The following PTGER3 variants were observed in gnomAD, a reference collection of about 807,000 sequenced individuals.
The protein encoded by PTGER3 is prostaglandin E2 receptor EP3 subtype.
PTGER3 carries 22 observed loss-of-function variants against 34.7 expected under a neutral mutation model. That is an observed-to-expected ratio of 0.63 (90% CI 0.45 to 0.91). PTGER3 has a LOEUF of 0.91. PTGER3 is among the 40% of genes least tolerant of loss of function. The pLI is 0.00. For synonymous variants in PTGER3, 241 were observed against 230.1 expected, an observed-to-expected ratio of 1.05 and a Z score of -0.43; for missense variants, 468 against 519.4, an observed-to-expected ratio of 0.90 and a Z score of 0.96.
At chr1:70,877,263 T>C (rs1018520851) in intron 4 of PTGER3, among the ~76,000 whole-genome samples, 12 of 152,196 alleles carry the variant, frequency 7.9e-5, no homozygotes, top group African/African-American at 2.9e-4. Flanking sequence ...TTGGACATTG[T>C]TGGTGTATAG....
chr1:70,967,214 A>C (rs1652616968), downstream of PTGER3, among the ~76,000 whole-genome samples: 1 of 152,164 alleles, frequency 6.6e-6, no homozygotes, highest in African/African-American at 2.4e-5. Flanking sequence ...CTGCCAACTA[A>C]ATGCCACCAT....
intron 2 of PTGER3, among the ~76,000 whole-genome samples, chr1:70,992,255 G>T (rs1021176726): frequency 2.6e-5 from 4 of 152,188 alleles, no homozygotes; most frequent in Non-Finnish European, 5.9e-5. Flanking sequence ...GAGTCAGAAG[G>T]CCCGAGTTCT....
intron 4 of PTGER3, among the ~76,000 whole-genome samples, chr1:70,862,026 G>C (rs1409221911): frequency 6.6e-6 from 1 of 151,870 alleles, no homozygotes; most frequent in Non-Finnish European, 1.5e-5. Context: ...TCAATGAAAA[G>C]TGGATGATTG....
At chr1:70,979,680 G>A (rs1370510919) in intron 2 of PTGER3, among the ~76,000 whole-genome samples, 1 of 152,182 alleles carries the variant, frequency 6.6e-6, no homozygotes, top group Middle Eastern at 3.4e-3. Context: ...GAGAAACAAA[G>A]TGGGCAGGCT....
At chr1:70,936,960 G>A (rs1228412250) in intron 4 of PTGER3, among the ~76,000 whole-genome samples, 7 of 152,138 alleles carry the variant, frequency 4.6e-5, no homozygotes, top group African/African-American at 1.7e-4. Context: ...ATTTCAGTAG[G>A]AGGGGAAGAG....
chr1:70,954,841 G>A (rs1308993792), intron 2 of PTGER3, among the ~76,000 whole-genome samples: 6 of 131,458 alleles, frequency 4.6e-5, no homozygotes, highest in African/African-American at 1.5e-4. Context: ...ACACATGACC[G>A]TTAAAAAAAA....
At position 71,047,460 on chromosome 1, in the gene PTGER3, G is replaced by A. The variant is rs1436745081; in HGVS notation, c.118C>T (p.Pro40Ser). 9 of 1,609,990 alleles carry A rather than the reference G, an allele frequency of 5.6e-6. No homozygotes were observed. The South Asian group carries it at 1.0e-4, about 18-fold the overall frequency. ...SAEARGNLTRPPGSGEDCGSV... is the reference protein window; with the variant it reads ...SAEARGNLTRSPGSGEDCGSV... ...CCGCAATCCTCGCCAGACCCTGGAG[G>A]GCGCGTGAGGTTGCCCCGCGCCTCG... is the stretch of plus-strand genomic sequence containing the variant. The change falls in exon 1 of 4, where the codon CCT becomes TCT. Residue 40 changes from proline to serine, a missense_variant. By Grantham distance (74) the Pro-to-Ser change is moderately conservative (BLOSUM62 -1). Around this residue, in one of 5 missense-constraint regions of PTGER3, gnomAD observed 151 missense variants for 133.5 expected, o/e 1.13. Coordinates refer to ENST00000306666, the MANE Select transcript of PTGER3 (RefSeq NM_198719.2).
At chr1:70,929,872 T>G (rs1648522204) in intron 4 of PTGER3, among the ~76,000 whole-genome samples, 1 of 152,100 alleles carries the variant, frequency 6.6e-6, no homozygotes, top group Non-Finnish European at 1.5e-5. Context: ...AAAAGGAAAT[T>G]AACTATTCTG....
chr1:70,922,403 T>C (rs74809689), intron 4 of PTGER3, among the ~76,000 whole-genome samples: 1,532 of 152,272 alleles, frequency 0.01, 35 homozygotes, highest in African/African-American at 0.036. Flanking sequence ...AGAAACATTG[T>C]ACAATTTAAA....
At chr1:70,988,299 G>A (rs1380542380) in intron 2 of PTGER3, among the ~76,000 whole-genome samples, 2 of 152,082 alleles carry the variant, frequency 1.3e-5, no homozygotes, top group African/African-American at 2.4e-5. Flanking sequence ...CATAAAATAA[G>A]GAACCATTCT....
chr1:71,025,200 A>C (rs569754978), intron 1 of PTGER3, among the ~76,000 whole-genome samples: 1 of 109,732 alleles, frequency 9.1e-6, no homozygotes, highest in African/African-American at 3.9e-5. Context: ...CTTCCTTCTT[A>C]TTATAATTAG....
At chr1:70,912,933 TAA>T (rs1647091938) in intron 4 of PTGER3, among the ~76,000 whole-genome samples, 1 of 152,066 alleles carries the variant, frequency 6.6e-6, no homozygotes, top group Admixed American at 6.6e-5. Flanking sequence ...TCAAGTAGTA[TAA>T]GTCCTTCAAT....
chr1:70,901,980 C>T (rs905133615), intron 4 of PTGER3, among the ~76,000 whole-genome samples: 1 of 152,068 alleles, frequency 6.6e-6, no homozygotes, highest in Non-Finnish European at 1.5e-5. Context: ...TCTGTACCTT[C>T]GCCTACCTCA....
At chr1:71,010,141 T>G in intron 2 of PTGER3, 1 of 985,194 alleles carries the variant, frequency 1.0e-6, no homozygotes, top group Non-Finnish European at 1.2e-6. Flanking sequence ...TTTTTTGCCT[T>G]TCTGTATTTT....
chr1:71,011,911 C>G, intron 2 of PTGER3: 1 of 1,147,044 alleles, frequency 8.7e-7, no homozygotes, highest in African/African-American at 1.6e-5. Context: ...ATTAACTATC[C>G]CCGCTCCCCA....
At chr1:70,874,420 C>T (rs1339831184) in intron 4 of PTGER3, among the ~76,000 whole-genome samples, 1 of 152,170 alleles carries the variant, frequency 6.6e-6, no homozygotes, top group Non-Finnish European at 1.5e-5. Flanking sequence ...CTCTCTTTTC[C>T]CTCCCCAGCT....
chr1:71,037,881 G>A (rs933706227), intron 1 of PTGER3, among the ~76,000 whole-genome samples: 6 of 152,116 alleles, frequency 3.9e-5, no homozygotes, highest in Admixed American at 6.6e-5. Context: ...CTCACAAGTC[G>A]GGGGTCACTT....
chr1:70,907,354 T>C (rs187188014), intron 4 of PTGER3, among the ~76,000 whole-genome samples: 36 of 152,336 alleles, frequency 2.4e-4, no homozygotes, highest in Non-Finnish European at 5.1e-4. Flanking sequence ...ACAAGGACAG[T>C]GGCATCAGCT....
At chr1:70,938,778 A>G (rs976557997) in intron 4 of PTGER3, among the ~76,000 whole-genome samples, 4 of 152,156 alleles carry the variant, frequency 2.6e-5, no homozygotes, top group Non-Finnish European at 4.4e-5. Context: ...ACCAGCCCCC[A>G]TGATTCAATT....
Sources: gnomAD v4.1 joint callset for allele counts (sites outside exome capture counted in the v4.1 genomes callset) on GRCh38, gnomAD v4.1.1 for gene constraint, gnomAD v4.1.1 regional missense constraint, MANE v1.5 for transcripts, NCBI Gene and HGNC (gene_info 2026-07-23, HGNC 2026-07-21) for gene names.